The following LGSN variants were observed in gnomAD, a reference collection of about 807,000 sequenced individuals.
LGSN encodes lengsin.
In LGSN, 21 loss-of-function variants were observed where a neutral mutation model predicts 19.5. The observed-to-expected ratio is 1.07, with a 90% CI of 0.76 to 1.55. The LOEUF (loss-of-function observed/expected upper bound fraction) is 1.55, where lower values mean the gene tolerates loss of function less well. Ranked by LOEUF, LGSN falls within the 40% of genes most tolerant of loss-of-function variation. LGSN has a pLI of 0.00. For missense variants in LGSN, 673 were observed against 608.5 expected (o/e 1.11, Z -1.12); for synonymous variants, 257 against 215.6 (o/e 1.19, Z -1.68).
At chr6:63,471,811 TG>T in the LGSN span, among the ~76,000 whole-genome samples, 1 of 152,054 alleles carries the variant, frequency 6.6e-6, no homozygotes, top group East Asian at 1.9e-4. Flanking sequence ...GTTGGGCATC[TG>T]GGGGGTAATT....
chr6:63,484,135 C>CTGT, the LGSN span, among the ~76,000 whole-genome samples: 1 of 152,086 alleles, frequency 6.6e-6, no homozygotes, highest in East Asian at 1.9e-4. Flanking sequence ...GCCTAGGCAA[C>CTGT]AGAGCAAGAC....
In LGSN at chr6:63,280,632, C is replaced by T. The variant is rs369264992; in HGVS notation, c.919G>A (p.Gly307Arg). ...GACAAAATCCCTGAATCACAAAATC[C>T]AGTCTCAATGAAGAAGCTGGCAATG... Reference protein sequence around the residue: ...NYIASFFIETGFCDSGILSHS... With the variant: ...NYIASFFIETRFCDSGILSHS... Residue 307 changes from glycine to arginine, a missense_variant, in exon 4 of 4, where the codon GGA becomes AGA. Gly to Arg is a moderately radical substitution (Grantham distance 125). Transcript: ENST00000370657. The T allele has an allele frequency of 2.5e-6, 4 of 1,613,940 alleles. 1 individual carries two copies. In the African/African-American group the frequency reaches 4.0e-5, roughly 16 times the overall value.
chr6:63,378,933 G>T, the LGSN span, among the ~76,000 whole-genome samples: 1 of 152,154 alleles, frequency 6.6e-6, no homozygotes, highest in Non-Finnish European at 1.5e-5. Flanking sequence ...GTATCAAAGA[G>T]CCAATAAAGA....
At chr6:63,505,629 G>GAAAGA in the LGSN span, among the ~76,000 whole-genome samples, 2 of 87,850 alleles carry the variant, frequency 2.3e-5, no homozygotes, top group African/African-American at 9.6e-5. Context: ...AAGAAAGAAA[G>GAAAGA]AAAGAAATTC....
chr6:63,494,313 A>T, the LGSN span, among the ~76,000 whole-genome samples: 1 of 152,184 alleles, frequency 6.6e-6, no homozygotes, highest in African/African-American at 2.4e-5. Context: ...AGCCTATAGC[A>T]GCTTATCATT....
chr6:63,411,407 A>G, the LGSN span, among the ~76,000 whole-genome samples: 1 of 152,224 alleles, frequency 6.6e-6, no homozygotes, highest in East Asian at 1.9e-4. Context: ...TTCTTTCTAC[A>G]TGCCATATCT....
chr6:63,369,935 G>A, the LGSN span, among the ~76,000 whole-genome samples: 41 of 152,228 alleles, frequency 2.7e-4, 1 homozygote, highest in Middle Eastern at 3.4e-3. Flanking sequence ...TCAGGAGGCC[G>A]AGGCTGCAGT....
At chr6:63,516,734 T>C in the LGSN span, among the ~76,000 whole-genome samples, 1 of 152,196 alleles carries the variant, frequency 6.6e-6, no homozygotes, top group Non-Finnish European at 1.5e-5. Flanking sequence ...TTGGGATATA[T>C]GTGGCAATGG....
chr6:63,533,151 G>A, the LGSN span, among the ~76,000 whole-genome samples: 1 of 152,224 alleles, frequency 6.6e-6, no homozygotes, highest in African/African-American at 2.4e-5. Context: ...GGAGGCTGAG[G>A]CAGGTGGGTC....
the LGSN span, among the ~76,000 whole-genome samples, chr6:63,419,328 A>G: frequency 6.6e-6 from 1 of 152,162 alleles, no homozygotes; most frequent in African/African-American, 2.4e-5. Flanking sequence ...CCAAAATCCA[A>G]TGTGTTGATT....
the LGSN span, among the ~76,000 whole-genome samples, chr6:63,528,426 T>C: frequency 5.3e-5 from 8 of 150,990 alleles, no homozygotes; most frequent in South Asian, 1.5e-3. Context: ...TGAATCTCTG[T>C]CTTTTTTTTT....
the LGSN span, among the ~76,000 whole-genome samples, chr6:63,326,262 T>G: frequency 1.2e-4 from 19 of 152,020 alleles, no homozygotes; most frequent in Admixed American, 1.2e-3. Flanking sequence ...AGATACAAGG[T>G]GCTGATTGGT....
chr6:63,374,958 A>T, the LGSN span, among the ~76,000 whole-genome samples: 1 of 152,226 alleles, frequency 6.6e-6, no homozygotes, highest in East Asian at 1.9e-4. Context: ...AAAGTTGCTG[A>T]TAATAAACAT....
chr6:63,413,684 C>T, the LGSN span, among the ~76,000 whole-genome samples: 2 of 152,162 alleles, frequency 1.3e-5, no homozygotes, highest in South Asian at 2.1e-4. Context: ...AAGGTTGTGA[C>T]ATGATTATCC....
At chr6:63,313,837 A>AAAAT (rs56286412) in intron 1 of LGSN, among the ~76,000 whole-genome samples, 5,006 of 147,624 alleles carry the variant, frequency 0.034, 125 homozygotes, top group Middle Eastern at 0.063. Context: ...CCCTGTCTCA[A>AAAAT]AAATAAATAA....
chr6:63,279,912 A>C lies in LGSN; in HGVS notation c.*109T>G, dbSNP rs1767221923. On this transcript the variant is annotated 3_prime_UTR_variant, in exon 4 of 4. Transcript: ENST00000370657. The stretch of plus-strand genomic sequence containing the variant: ...AAAAAAAAAAGTCAAAAGCATTCGT[A>C]ATCTTGTTATTGTTGCTGTTGTTAA... The C allele has an allele frequency of 1.9e-6, 2 of 1,060,770 alleles. No individual in the cohort carries two copies. Among genetic ancestry groups the C allele is most frequent in the Middle Eastern group, 3.0e-4 (1 of 3,364 alleles). The allele number at this position is 1,060,770 out of a possible 1,614,324, so 65.7% of individuals were successfully genotyped here. A position where few individuals can be genotyped will look rare whatever the true frequency, so the allele number is the denominator to read the frequency against.
chr6:63,479,735 G>A, the LGSN span, among the ~76,000 whole-genome samples: 5 of 126,156 alleles, frequency 4.0e-5, no homozygotes, highest in Admixed American at 2.5e-4. Context: ...GTGAGACTCC[G>A]TCTCAAACAA....
At chr6:63,452,301 T>C in the LGSN span, among the ~76,000 whole-genome samples, 1 of 152,120 alleles carries the variant, frequency 6.6e-6, no homozygotes. Flanking sequence ...TAGACTGGAG[T>C]ACAGTGGCGC....
the LGSN span, among the ~76,000 whole-genome samples, chr6:63,564,447 T>C: frequency 6.6e-6 from 1 of 152,266 alleles, no homozygotes; most frequent in East Asian, 1.9e-4. Context: ...GCATGACTGT[T>C]GTAGCTTTTG....
Sources: gnomAD v4.1 joint callset for allele counts (sites outside exome capture counted in the v4.1 genomes callset) on GRCh38, gnomAD v4.1.1 for gene constraint, MANE v1.5 for transcripts, NCBI Gene and HGNC (gene_info 2026-07-23, HGNC 2026-07-21) for gene names.